Variants in CDC14B observed in about 807,000 individuals in gnomAD.
CDC14B encodes dual specificity protein phosphatase CDC14B.
CDC14B carries 22 observed loss-of-function variants against 64.2 expected under a neutral mutation model. That is an observed-to-expected ratio of 0.34 (90% confidence interval 0.24 to 0.49). The LOEUF is 0.49. CDC14B is among the 20% of genes least tolerant of loss of function. CDC14B has a pLI of 0.99. For synonymous variants in CDC14B, 191 were observed against 215.8 expected, an observed-to-expected ratio of 0.89 and a Z score of 1.01; for missense variants, 498 against 629.9, an observed-to-expected ratio of 0.79 and a Z score of 2.24.
intron 4 of CDC14B, among the ~76,000 whole-genome samples, chr9:96,558,383 T>C (rs1842757553): frequency 6.6e-6 from 1 of 152,242 alleles, no homozygotes; most frequent in South Asian, 2.1e-4. Context: ...ACACATTATA[T>C]ACATGTATAA....
intron 4 of CDC14B, among the ~76,000 whole-genome samples, chr9:96,553,503 C>T (rs539851811): frequency 6.6e-5 from 10 of 151,954 alleles, no homozygotes; most frequent in South Asian, 2.1e-4. Context: ...GAACTATAGG[C>T]GTGCACCACC....
intron 1 of CDC14B, among the ~76,000 whole-genome samples, chr9:96,591,861 T>C (rs1479284646): frequency 6.6e-6 from 1 of 151,556 alleles, no homozygotes; most frequent in East Asian, 2.0e-4. Flanking sequence ...TTCTCCTGAC[T>C]CAGCCTTCCG....
At chr9:96,595,370 A>G (rs923109848) in intron 1 of CDC14B, among the ~76,000 whole-genome samples, 1 of 152,246 alleles carries the variant, frequency 6.6e-6, no homozygotes, top group African/African-American at 2.4e-5. Context: ...AAAGCATGAC[A>G]CGTAAAGAAA....
intron 5 of CDC14B, among the ~76,000 whole-genome samples, chr9:96,546,978 C>T (rs1395783997): frequency 5.3e-5 from 8 of 151,878 alleles, no homozygotes; most frequent in Non-Finnish European, 1.0e-4. Flanking sequence ...AGGAGAATGG[C>T]GTGAACCCAG....
At chr9:96,573,830 A>C (rs1037788670) in intron 1 of CDC14B, among the ~76,000 whole-genome samples, 16 of 152,282 alleles carry the variant, frequency 1.1e-4, no homozygotes, top group Admixed American at 2.6e-4. Context: ...TCACAGGACC[A>C]AGAAGAACAA....
At chr9:96,541,614 C>G (rs16911166) in intron 6 of CDC14B, among the ~76,000 whole-genome samples, 2,082 of 152,270 alleles carry the variant, frequency 0.014, 50 homozygotes, top group African/African-American at 0.047. Context: ...GACTTTTCCC[C>G]CAACTCATAC....
intron 1 of CDC14B, among the ~76,000 whole-genome samples, chr9:96,587,360 A>G (rs2118508831): frequency 6.6e-6 from 1 of 152,340 alleles, no homozygotes; most frequent in Middle Eastern, 3.4e-3. Context: ...CGGAGGAAAT[A>G]AACCTATCAG....
At chr9:96,512,276 C>T (rs1308632056) in intron 12 of CDC14B, among the ~76,000 whole-genome samples, 1 of 148,028 alleles carries the variant, frequency 6.8e-6, no homozygotes, top group East Asian at 2.0e-4. Context: ...ATTACCCTGG[C>T]TTGTGAATTC....
At chr9:96,598,908 C>A (rs1846252895) in intron 1 of CDC14B, among the ~76,000 whole-genome samples, 1 of 152,116 alleles carries the variant, frequency 6.6e-6, no homozygotes, top group African/African-American at 2.4e-5. Flanking sequence ...AAGTGAAATT[C>A]TATGTAGGTA....
At chr9:96,551,675 T>C in intron 5 of CDC14B, 121 bp downstream of exon 5, 1 of 1,341,900 alleles carries the variant, frequency 7.5e-7, no homozygotes, top group Non-Finnish European at 1.0e-6. Context: ...AGATCTGTGG[T>C]GTTATTTGCG....
intron 13 of CDC14B, among the ~76,000 whole-genome samples, chr9:96,509,200 C>T (rs1834579973): frequency 6.6e-6 from 1 of 152,234 alleles, no homozygotes; most frequent in African/African-American, 2.4e-5. Context: ...TCACTGAAGA[C>T]AGTGACGACA....
At chr9:96,531,932 T>C (rs920748090) in intron 9 of CDC14B, among the ~76,000 whole-genome samples, 3 of 152,166 alleles carry the variant, frequency 2.0e-5, no homozygotes, top group Non-Finnish European at 4.4e-5. Flanking sequence ...TTAGAGTTTC[T>C]TGCAAGTCAG....
intron 1 of CDC14B, chr9:96,618,620 C>T: frequency 1.9e-6 from 1 of 530,734 alleles, no homozygotes; most frequent in Non-Finnish European, 3.8e-6. Flanking sequence ...CCCCGGGAGG[C>T]GGAGGCGTTC....
chr9:96,567,429 G>T (rs1289880512), intron 1 of CDC14B, among the ~76,000 whole-genome samples: 1 of 152,214 alleles, frequency 6.6e-6, no homozygotes, highest in African/African-American at 2.4e-5. Context: ...GCCAAGACCC[G>T]CCAAGTGCCC....
chr9:96,606,527 T>TTG (rs376059971), intron 1 of CDC14B, among the ~76,000 whole-genome samples: 19,712 of 112,638 alleles, frequency 0.18, 1,758 homozygotes, highest in East Asian at 0.29. Context: ...TACTAAAAGT[T>TTG]TGTGTGTGTG....
chr9:96,499,124 T>C (rs1016587323), downstream of CDC14B, among the ~76,000 whole-genome samples: 1 of 152,070 alleles, frequency 6.6e-6, no homozygotes, highest in African/African-American at 2.4e-5. Context: ...GGGGAAGCCA[T>C]GGAGGGGCAG....
intron 1 of CDC14B, among the ~76,000 whole-genome samples, chr9:96,589,944 G>A (rs1037035737): frequency 6.7e-6 from 1 of 149,158 alleles, no homozygotes; most frequent in East Asian, 2.0e-4. Context: ...CTGGGCAACA[G>A]AGCAAGACTC....
Position 96,513,302 on chromosome 9 carries a change from C to G in CDC14B, c.1344-3513G>C, listed in dbSNP as rs944138456. On this transcript the variant is annotated intron_variant, in intron 12 of 13. Transcript: ENST00000375241. ...ACTGCAGGTTATGCACTGATGAAAT[C>G]GGGGTTGGGGGAGAACTCCACTGAG... Among the ~76,000 whole-genome samples, 4 of 152,278 alleles carry G rather than the reference C, an allele frequency of 2.6e-5. No individual in the cohort carries two copies. The South Asian group carries it at 8.3e-4, about 32-fold the overall frequency.
chr9:96,553,534 T>C (rs1842109869), intron 4 of CDC14B, among the ~76,000 whole-genome samples: 1 of 151,886 alleles, frequency 6.6e-6, no homozygotes, highest in Non-Finnish European at 1.5e-5. Flanking sequence ...AGTTTTTTTG[T>C]ATTTTTAGTA....
Sources: allele counts gnomAD v4.1 joint callset (sites outside exome capture counted in the v4.1 genomes callset), GRCh38; gene constraint gnomAD v4.1.1; transcripts MANE v1.5; gene names NCBI Gene and HGNC (gene_info 2026-07-23, HGNC 2026-07-21).